NEBL: variants seen among roughly 807,000 people sequenced by gnomAD.
The protein encoded by NEBL is nebulette.
Under a neutral mutation model 140.2 loss-of-function variants are expected in NEBL, and 122 were observed. The observed-to-expected ratio is 0.87, with a 90% CI of 0.75 to 1.01. The LOEUF (loss-of-function observed/expected upper bound fraction) is 1.01, where lower values mean the gene tolerates loss of function less well. NEBL is among the 50% of genes least tolerant of loss of function. The pLI, the probability that NEBL is intolerant of heterozygous loss-of-function variation, is 0.00. For missense variants in NEBL, 1,365 were observed against 1,231.3 expected (o/e 1.11, Z -1.62); for synonymous variants, 436 against 398.9 (o/e 1.09, Z -1.11).
chr10:21,088,098 T>C lies in NEBL; in HGVS notation c.165-67897A>G, dbSNP rs115912857. On this transcript the variant is annotated intron_variant, in intron 2 of 6. Coordinates refer to the NEBL transcript ENST00000417816. Reference sequence around the variant, plus strand: ...CCCTACCATTCATGCTACATGTCCATCAGGAATCACCCCTGGGTCTACATT... The same window carrying C: ...CCCTACCATTCATGCTACATGTCCACCAGGAATCACCCCTGGGTCTACATT... Among the ~76,000 whole-genome samples the C allele has an allele frequency of 3.2e-3, 481 of 152,290 alleles. 3 individuals carry two copies. Among genetic ancestry groups the C allele is most frequent in the African/African-American group, 0.011 (444 of 41,556 alleles).
chr10:21,064,299 A>G (rs1835434268), intron 2 of NEBL, among the ~76,000 whole-genome samples: 1 of 152,228 alleles, frequency 6.6e-6, no homozygotes, highest in African/African-American at 2.4e-5. Flanking sequence ...CACTTCTTTG[A>G]AAACTTTTAT....
intron 5 of NEBL, among the ~76,000 whole-genome samples, chr10:20,877,808 G>A (rs948608863): frequency 2.6e-4 from 39 of 152,068 alleles, no homozygotes; most frequent in Admixed American, 2.5e-3. Context: ...ATCAGAAACC[G>A]ACTCCTCAAG....
chr10:20,964,976 T>C (rs956604117), intron 3 of NEBL, among the ~76,000 whole-genome samples: 5 of 152,192 alleles, frequency 3.3e-5, no homozygotes, highest in African/African-American at 7.2e-5. Flanking sequence ...ATGACAAGGC[T>C]CCCAGTAAAT....
rs117541443 is a variant in NEBL, at chr10:20,798,334, T to C, written c.2761+10176A>G. Reference sequence around the variant, plus strand: ...GAGTTCCTCTAAAGTCAGGAACCAATCCCCACAACCTACACGCCTAGGGCT... The same window carrying C: ...GAGTTCCTCTAAAGTCAGGAACCAACCCCCACAACCTACACGCCTAGGGCT... On this transcript the variant is annotated intron_variant, in intron 26 of 27. Transcript: ENST00000377122. 6.5e-3 allele frequency among the ~76,000 whole-genome samples: 984 copies of C among 152,056 alleles called. 16 individuals carry two copies. Among genetic ancestry groups the C allele is most frequent in the East Asian group, 0.064 (331 of 5,158 alleles).
At chr10:21,174,161 C>T in exon 1 of NEBL, 1 of 485,850 alleles carries the variant, frequency 2.1e-6, no homozygotes, top group Non-Finnish European at 2.7e-6. Flanking sequence ...CACTCGCTCC[C>T]CCGCCTCGCC....
At chr10:20,962,889 T>C (rs568343340) in intron 3 of NEBL, among the ~76,000 whole-genome samples, 74 of 152,190 alleles carry the variant, frequency 4.9e-4, no homozygotes, top group Admixed American at 1.6e-3. Flanking sequence ...TCGTTGAACA[T>C]GGAATGGCTG....
intron 1 of NEBL, among the ~76,000 whole-genome samples, chr10:21,275,447 T>C (rs1485657868): frequency 6.6e-6 from 1 of 152,174 alleles, no homozygotes; most frequent in East Asian, 1.9e-4. Flanking sequence ...CGAGAGTTCC[T>C]CTCACTGAGC....
At chr10:21,288,818 G>GTATATATATA (rs757155594) in intron 1 of NEBL, among the ~76,000 whole-genome samples, 1,483 of 32,368 alleles carry the variant, frequency 0.046, 63 homozygotes, top group African/African-American at 0.066. Flanking sequence ...ACGTGTGTGT[G>GTATATATATA]TGTATATATA....
intron 3 of NEBL, among the ~76,000 whole-genome samples, chr10:21,195,119 T>C (rs1280606230): frequency 6.6e-6 from 1 of 152,164 alleles, no homozygotes; most frequent in African/African-American, 2.4e-5. Context: ...TAAAATTAGA[T>C]AATTTCCTAG....
intron 3 of NEBL, among the ~76,000 whole-genome samples, chr10:21,196,650 T>C (rs1446346905): frequency 6.6e-6 from 1 of 152,198 alleles, no homozygotes; most frequent in African/African-American, 2.4e-5. Flanking sequence ...CAGTTGTCAC[T>C]AGCTTTATTT....
chr10:20,885,378 G>GAAATA (rs1846418730), intron 4 of NEBL, among the ~76,000 whole-genome samples: 1 of 152,126 alleles, frequency 6.6e-6, no homozygotes, highest in Admixed American at 6.5e-5. Context: ...TCAAAGTCTA[G>GAAATA]GTTTTTCTTT....
chr10:21,013,129 G>C (rs1402307589), intron 3 of NEBL, among the ~76,000 whole-genome samples: 1 of 152,198 alleles, frequency 6.6e-6, no homozygotes, highest in African/African-American at 2.4e-5. Context: ...CTGTGAGGGT[G>C]AGTGGAATCG....
At chr10:21,204,010 C>T (rs1387902651) in intron 3 of NEBL, among the ~76,000 whole-genome samples, 3 of 152,154 alleles carry the variant, frequency 2.0e-5, no homozygotes, top group Non-Finnish European at 2.9e-5. Flanking sequence ...TCAGATTCCC[C>T]AAGAGGCAGA....
chr10:21,122,113 C>T (rs747751111), intron 2 of NEBL, among the ~76,000 whole-genome samples: 3 of 151,994 alleles, frequency 2.0e-5, no homozygotes, highest in Non-Finnish European at 4.4e-5. Flanking sequence ...GAAACCTCCA[C>T]CTCCCAGGTT....
chr10:21,168,302 T>A (rs1327943767), intron 2 of NEBL, among the ~76,000 whole-genome samples: 2 of 152,226 alleles, frequency 1.3e-5, no homozygotes, highest in East Asian at 1.9e-4. Context: ...TGGTTTCCAA[T>A]TCTTAAGCAT....
intron 4 of NEBL, among the ~76,000 whole-genome samples, chr10:20,909,261 AC>A (rs1848229908): frequency 7.0e-6 from 1 of 142,054 alleles, no homozygotes; most frequent in African/African-American, 2.7e-5. Context: ...TTTTTTTTTT[AC>A]CCTTTAACAG....
chr10:21,046,953 G>A (rs1006879417), intron 2 of NEBL, among the ~76,000 whole-genome samples: 13 of 152,134 alleles, frequency 8.5e-5, no homozygotes, highest in Middle Eastern at 3.2e-3. Context: ...AACTAATGGG[G>A]AAGACATCCA....
chr10:20,945,861 T>G (rs957584148), intron 4 of NEBL, among the ~76,000 whole-genome samples: 1 of 152,192 alleles, frequency 6.6e-6, no homozygotes, highest in African/African-American at 2.4e-5. Flanking sequence ...ACCAACAAAC[T>G]TGGACTCCAG....
chr10:20,858,097 G>A (rs971677231), intron 9 of NEBL, 143 bp downstream of exon 9: 22 of 709,312 alleles, frequency 3.1e-5, no homozygotes, highest in African/African-American at 3.0e-4. Context: ...GCAAGCAGAG[G>A]ACTGTTTTTC....
Sources: gnomAD v4.1 joint callset for allele counts (sites outside exome capture counted in the v4.1 genomes callset) on GRCh38, gnomAD v4.1.1 for gene constraint, MANE v1.5 for transcripts, NCBI Gene and HGNC (gene_info 2026-07-23, HGNC 2026-07-21) for gene names.